MPZL1: variants seen among roughly 807,000 people sequenced by gnomAD.
The protein encoded by MPZL1 is myelin protein zero-like protein 1.
In MPZL1, 16 loss-of-function variants were observed where a neutral mutation model predicts 29.3. The ratio of observed to expected loss-of-function variants is 0.55; its 90% CI spans 0.37 to 0.83. MPZL1 has a LOEUF of 0.83. MPZL1 is among the 40% of genes least tolerant of loss of function. The probability of loss-of-function intolerance (pLI) is 0.00; values close to 1 mark genes in which losing one functional copy is unlikely to be tolerated. For missense variants in MPZL1, 279 were observed against 332.9 expected, an observed-to-expected ratio of 0.84 and a Z score of 1.26; for synonymous variants, 143 against 132.0, an observed-to-expected ratio of 1.08 and a Z score of -0.57.
intron 5 of MPZL1, among the ~76,000 whole-genome samples, chr1:167,778,781 C>G (rs1661426966): frequency 6.6e-6 from 1 of 151,022 alleles, no homozygotes; most frequent in Non-Finnish European, 1.5e-5. Context: ...CAAAATGGAA[C>G]TTCTGGAAAT....
intron 1 of MPZL1, among the ~76,000 whole-genome samples, chr1:167,761,247 T>C (rs979681878): frequency 9.2e-5 from 14 of 152,114 alleles, no homozygotes; most frequent in Admixed American, 8.5e-4. Context: ...AGGGTCAAGG[T>C]TTTTTTTCTC....
chr1:167,762,375 A>C (rs544259927), intron 1 of MPZL1, among the ~76,000 whole-genome samples: 1 of 152,186 alleles, frequency 6.6e-6, no homozygotes, highest in Non-Finnish European at 1.5e-5. Context: ...CAAAGAATGA[A>C]CTGCGAATTG....
rs547139930 is a variant in MPZL1 at position 167,786,035 on chromosome 1, C to T, written c.709-1785C>T. Reference sequence around the variant, plus strand: ...GTCTCGATCTCCTGACCTCATGATCCGCCCGCCTCGGCCTCCCAAAGTGCT... The same window carrying T: ...GTCTCGATCTCCTGACCTCATGATCTGCCCGCCTCGGCCTCCCAAAGTGCT... On this transcript the variant is annotated intron_variant, in intron 5 of 5. Transcript: ENST00000359523. 1.9e-3 allele frequency among the ~76,000 whole-genome samples: 295 copies of T among 152,280 alleles called. 3 individuals carry two copies. The highest frequency in any genetic ancestry group is 6.2e-3 in the South Asian group (30 of 4,824).
chr1:167,730,899 G>A (rs779149967), intron 1 of MPZL1, among the ~76,000 whole-genome samples: 4 of 152,204 alleles, frequency 2.6e-5, no homozygotes, highest in Non-Finnish European at 5.9e-5. Flanking sequence ...CAGAGGTTCT[G>A]TAGCCATGTT....
chr1:167,739,497 T>C (rs957034777), intron 1 of MPZL1, among the ~76,000 whole-genome samples: 2 of 151,664 alleles, frequency 1.3e-5, no homozygotes, highest in African/African-American at 4.9e-5. Context: ...GTAGAAGAGC[T>C]TTTGAATTTT....
intron 1 of MPZL1, among the ~76,000 whole-genome samples, chr1:167,751,682 A>G (rs552946617): frequency 1.6e-4 from 24 of 152,082 alleles, no homozygotes; most frequent in Middle Eastern, 3.4e-3. Flanking sequence ...AAAAAAAAAA[A>G]AAAAGAAAAG....
At chr1:167,738,143 C>T (rs929305018) in intron 1 of MPZL1, among the ~76,000 whole-genome samples, 3 of 152,106 alleles carry the variant, frequency 2.0e-5, no homozygotes, top group African/African-American at 7.2e-5. Flanking sequence ...CTAGGATGGT[C>T]TCAATCTCCT....
intron 1 of MPZL1, among the ~76,000 whole-genome samples, chr1:167,747,373 A>G (rs905620601): frequency 6.6e-6 from 1 of 152,118 alleles, no homozygotes; most frequent in African/African-American, 2.4e-5. Context: ...AGCATGAGCC[A>G]CCATGCCTGG....
chr1:167,740,735 C>T (rs752712433), intron 1 of MPZL1, among the ~76,000 whole-genome samples: 2 of 152,194 alleles, frequency 1.3e-5, no homozygotes, highest in Admixed American at 6.5e-5. Flanking sequence ...ACCTGCATAT[C>T]CGGTTACCTG....
chr1:167,753,406 A>G (rs962046237), intron 1 of MPZL1, among the ~76,000 whole-genome samples: 2 of 152,246 alleles, frequency 1.3e-5, no homozygotes, highest in African/African-American at 2.4e-5. Context: ...TGTTTTCAAT[A>G]AGAAATTGTC....
intron 1 of MPZL1, among the ~76,000 whole-genome samples, chr1:167,755,641 C>T (rs1660855222): frequency 6.6e-6 from 1 of 152,210 alleles, no homozygotes; most frequent in Non-Finnish European, 1.5e-5. Flanking sequence ...GCAGATGATA[C>T]AATTCAAACT....
chr1:167,734,702 G>A (rs1319210386), intron 1 of MPZL1, among the ~76,000 whole-genome samples: 1 of 152,134 alleles, frequency 6.6e-6, no homozygotes, highest in Non-Finnish European at 1.5e-5. Flanking sequence ...AGAGGCGTTG[G>A]GGGTAGGTCC....
At position 167,744,066 on chromosome 1, in the gene MPZL1, A is replaced by AT. The variant is rs577853624; in HGVS notation, c.92-21515dup. 1.5e-3 allele frequency among the ~76,000 whole-genome samples: 225 copies of AT among 152,098 alleles called. 3 individuals are homozygous for AT. Among genetic ancestry groups the AT allele is most frequent in the African/African-American group, 5.4e-3 (224 of 41,530 alleles). On this transcript the variant is annotated intron_variant, in intron 1 of 5. Transcript: ENST00000359523. ...GTTTGTCATAGATGGCTTTTATTAC[A>AT]TTGAGGTATGTAATGGACAGGCATT...
chr1:167,785,878 C>T (rs1380019034), intron 5 of MPZL1, among the ~76,000 whole-genome samples: 3 of 152,102 alleles, frequency 2.0e-5, no homozygotes, highest in Non-Finnish European at 4.4e-5. Context: ...CTGTAAGCTC[C>T]GCCTCCTGGG....
intron 5 of MPZL1, 59 bp from the exon 6 acceptor site, chr1:167,787,761 G>A: frequency 7.8e-7 from 1 of 1,276,754 alleles, no homozygotes; most frequent in Admixed American, 1.7e-5. Flanking sequence ...TTCTATGCCT[G>A]TAGCTGAAGG....
At chr1:167,726,275 C>A (rs147234883) in intron 1 of MPZL1, among the ~76,000 whole-genome samples, 96 of 152,340 alleles carry the variant, frequency 6.3e-4, no homozygotes, top group African/African-American at 2.1e-3. Flanking sequence ...TTTAGAGAGG[C>A]CTCTCTGACC....
chr1:167,784,351 A>G (rs557749547), intron 5 of MPZL1, among the ~76,000 whole-genome samples: 3 of 152,226 alleles, frequency 2.0e-5, no homozygotes, highest in Non-Finnish European at 4.4e-5. Flanking sequence ...TGTAAAAGCA[A>G]AGATAAATAA....
chr1:167,779,623 A>G (rs1276924452), intron 5 of MPZL1, among the ~76,000 whole-genome samples: 5 of 152,142 alleles, frequency 3.3e-5, no homozygotes, highest in African/African-American at 1.2e-4. Flanking sequence ...AAAAATAATG[A>G]CAGCATTTTA....
At chr1:167,760,247 G>T (rs1051416241) in intron 1 of MPZL1, among the ~76,000 whole-genome samples, 1 of 152,028 alleles carries the variant, frequency 6.6e-6, no homozygotes. Flanking sequence ...CTGTCACCCC[G>T]CCCAGAGTGT....
Sources: gnomAD v4.1 joint callset for allele counts (sites outside exome capture counted in the v4.1 genomes callset) on GRCh38, gnomAD v4.1.1 for gene constraint, MANE v1.5 for transcripts, NCBI Gene and HGNC (gene_info 2026-07-23, HGNC 2026-07-21) for gene names.